The following SMARCAD1 variants were observed in gnomAD, a reference collection of about 807,000 sequenced individuals.
SMARCAD1 encodes SWI/SNF-related matrix-associated actin-dependent regulator of chromatin subfamily A containing DEAD/H box 1.
Under a neutral mutation model 127.1 loss-of-function variants are expected in SMARCAD1, and 25 were observed. The ratio of observed to expected loss-of-function variants is 0.20; its 90% confidence interval spans 0.14 to 0.27. SMARCAD1 has a LOEUF of 0.27. Among genes scored for constraint, SMARCAD1 ranks in the 10% least tolerant of loss-of-function variants. SMARCAD1 has a pLI of 1.00. For missense variants in SMARCAD1, 807 were observed against 1,206.0 expected (o/e 0.67, Z 4.90); for synonymous variants, 400 against 396.9 (o/e 1.01, Z -0.09).
intron 23 of SMARCAD1, 49 bp downstream of exon 23, chr4:94,285,118 C>A: frequency 1.7e-6 from 2 of 1,201,126 alleles, no homozygotes; most frequent in Non-Finnish European, 2.5e-6. Context: ...TATGACCATG[C>A]ATCTAATTAG....
intron 9 of SMARCAD1, among the ~76,000 whole-genome samples, chr4:94,263,559 A>G (rs1372862599): frequency 2.0e-5 from 3 of 152,184 alleles, no homozygotes; most frequent in Middle Eastern, 3.4e-3. Flanking sequence ...TAGGATAAAT[A>G]TGGAAAATGT....
chr4:94,273,981 T>G (rs955906837), intron 12 of SMARCAD1, among the ~76,000 whole-genome samples: 1 of 152,216 alleles, frequency 6.6e-6, no homozygotes, highest in African/African-American at 2.4e-5. Flanking sequence ...CATAATACTT[T>G]TAGTTACTTT....
chr4:94,236,796 T>G (rs1450332904), intron 4 of SMARCAD1, among the ~76,000 whole-genome samples, 156 bp from the exon 5 acceptor site: 2 of 152,178 alleles, frequency 1.3e-5, no homozygotes, highest in African/African-American at 2.4e-5. Flanking sequence ...AAACAGATTT[T>G]CTGAAAATTT....
At chr4:94,285,358 A>C (rs1195975552) in intron 23 of SMARCAD1, among the ~76,000 whole-genome samples, 1 of 152,178 alleles carries the variant, frequency 6.6e-6, no homozygotes, top group African/African-American at 2.4e-5. Flanking sequence ...CAACTTCCCC[A>C]ATAGAGGTGA....
At chr4:94,210,550 TTAA>T (rs1229258842) in intron 2 of SMARCAD1, among the ~76,000 whole-genome samples, 1 of 152,146 alleles carries the variant, frequency 6.6e-6, no homozygotes, top group Non-Finnish European at 1.5e-5. Flanking sequence ...GTAATTGAGC[TTAA>T]TGATAGCGGT....
intron 23 of SMARCAD1, among the ~76,000 whole-genome samples, chr4:94,288,001 T>A (rs1318161767): frequency 6.6e-6 from 1 of 151,842 alleles, no homozygotes. Context: ...AATATATATA[T>A]ATTTTTTTAA....
At chr4:94,223,059 G>A (rs1435144930) in intron 2 of SMARCAD1, among the ~76,000 whole-genome samples, 1 of 152,118 alleles carries the variant, frequency 6.6e-6, no homozygotes, top group East Asian at 1.9e-4. Flanking sequence ...GGTCAATAAA[G>A]AGTCATGTTC....
At chr4:94,281,639 T>G (rs779903308) in intron 21 of SMARCAD1, 49 bp downstream of exon 21, 1 of 1,176,836 alleles carries the variant, frequency 8.5e-7, no homozygotes, top group Non-Finnish European at 1.3e-6. Flanking sequence ...TTTATTATTA[T>G]TGTTAGGATT....
intron 15 of SMARCAD1, 151 bp from the exon 16 acceptor site, chr4:94,276,871 T>A: frequency 1.2e-6 from 1 of 855,198 alleles, no homozygotes; most frequent in Non-Finnish European, 1.8e-6. Context: ...CGTCAATTAT[T>A]TAAATTACTA....
intron 10 of SMARCAD1, among the ~76,000 whole-genome samples, chr4:94,267,589 G>A (rs925619235): frequency 3.3e-5 from 5 of 151,550 alleles, no homozygotes; most frequent in Non-Finnish European, 7.4e-5. Context: ...TTTTCAGACT[G>A]TGGAGAAATC....
Position 94,283,210 on chromosome 4 carries a change from C to T in SMARCAD1, c.2816C>T (p.Thr939Ile). 1 of 1,613,628 alleles carries T rather than the reference C, an allele frequency of 6.2e-7. No individual in the cohort carries two copies. Among genetic ancestry groups the T allele is most frequent in the Non-Finnish European group, 8.5e-7 (1 of 1,179,876 alleles). Residue 939 changes from threonine to isoleucine, a missense_variant, in exon 22 of 24, where the codon ACT becomes ATT. This residue lies in a region of SMARCAD1 where 44 missense variants were observed against 119.1 expected (regional missense o/e 0.37). Coordinates refer to ENST00000354268, the MANE Select transcript of SMARCAD1 (RefSeq NM_020159.5). ...GCTGGTGGATTAGGAATAAATCTGA[C>T]TTCAGCAAATGTTGTTATACTTCAC... ...TKAGGLGINL[T>I]SANVVILHDI...
In SMARCAD1 at chr4:94,250,769, C is replaced by A; in HGVS notation, c.825C>A (p.Leu275=). Residue 275 remains leucine (L), a synonymous_variant, in exon 8 of 24, where the codon CTC becomes CTA. Coordinates refer to ENST00000354268, the MANE Select transcript of SMARCAD1 (RefSeq NM_020159.5). ...NFDKQELREV[L]KEHEWMYTEA... The stretch of plus-strand genomic sequence containing the variant: ...ATTTCTAGGAACTTAGAGAAGTACT[C>A]AAGGAACATGAATGGATGTACACAG... The A allele has an allele frequency of 1.2e-6, 2 of 1,605,658 alleles. No individual in the cohort carries two copies. Among genetic ancestry groups the A allele is most frequent in the South Asian group, 2.3e-5 (2 of 88,348 alleles).
At chr4:94,219,128 C>T (rs1008682744) in intron 2 of SMARCAD1, among the ~76,000 whole-genome samples, 12 of 152,028 alleles carry the variant, frequency 7.9e-5, no homozygotes, top group Non-Finnish European at 1.3e-4. Context: ...TGGTAATCTT[C>T]TAAGAGGGCA....
In SMARCAD1 at chr4:94,280,700, T is replaced by C. The variant is rs958239996; in HGVS notation, c.2527T>C (p.Phe843Leu). The C allele has an allele frequency of 3.7e-6, 6 of 1,613,702 alleles. No homozygotes were observed. The highest frequency in any genetic ancestry group is 5.1e-6 in the Non-Finnish European group (6 of 1,179,866). ...LCKQYRHINN[F>L]QLDMDLILDS... ...TAAACAGTACCGACACATTAATAACTTTCAGTTAGACATGGACTTGATTTT... is the reference window on the plus strand; with the variant it reads ...TAAACAGTACCGACACATTAATAACCTTCAGTTAGACATGGACTTGATTTT... Residue 843 changes from phenylalanine (F) to leucine (L), a missense_variant, in exon 20 of 24, where the codon TTT becomes CTT. Phe to Leu is a conservative substitution (Grantham distance 22, BLOSUM62 0). Coordinates refer to ENST00000354268, the MANE Select transcript of SMARCAD1 (RefSeq NM_020159.5).
At chr4:94,281,968 G>C (rs971695469) in intron 21 of SMARCAD1, among the ~76,000 whole-genome samples, 7 of 151,746 alleles carry the variant, frequency 4.6e-5, no homozygotes, top group Non-Finnish European at 8.8e-5. Context: ...GAGCCCCGGG[G>C]GGCGGAGGTT....
At chr4:94,284,479 A>C (rs777678120) in intron 22 of SMARCAD1, among the ~76,000 whole-genome samples, 1 of 151,594 alleles carries the variant, frequency 6.6e-6, no homozygotes, top group African/African-American at 2.4e-5. Context: ...GCTCACTTCA[A>C]TCTCCACCTC....
chr4:94,252,086 G>A (rs1749365399), intron 8 of SMARCAD1, among the ~76,000 whole-genome samples: 1 of 152,126 alleles, frequency 6.6e-6, no homozygotes, highest in Non-Finnish European at 1.5e-5. Flanking sequence ...TCCTGACCTT[G>A]TGATCTGCCC....
rs780272370 is a variant in SMARCAD1, at chr4:94,233,905, A to G, written c.369-49A>G. On this transcript the variant is annotated intron_variant, in intron 3 of 23. Coordinates refer to ENST00000354268, the MANE Select transcript of SMARCAD1 (RefSeq NM_020159.5). The stretch of plus-strand genomic sequence containing the variant: ...CACATAGACACTATAATGAAATAAC[A>G]TTAGTAATACATTAAAAATGTTTTT... 20 of 1,572,384 alleles carry G rather than the reference A, an allele frequency of 1.3e-5. No homozygotes were observed. The Admixed American group carries it at 2.7e-4, about 21-fold the overall frequency.
intron 9 of SMARCAD1, chr4:94,253,533 C>G: frequency 9.0e-7 from 1 of 1,115,138 alleles, no homozygotes; most frequent in Non-Finnish European, 1.1e-6. Flanking sequence ...ACAGCTCAGT[C>G]TCTAACATGT....
Sources: allele counts gnomAD v4.1 joint callset (sites outside exome capture counted in the v4.1 genomes callset), GRCh38; gene constraint gnomAD v4.1.1; regional missense constraint gnomAD v4.1.1; transcripts MANE v1.5; gene names NCBI Gene and HGNC (gene_info 2026-07-23, HGNC 2026-07-21).